SLC26A5: variants seen among roughly 807,000 people sequenced by gnomAD.
SLC26A5 encodes the protein prestin.
Under a neutral mutation model 81.0 loss-of-function variants are expected in SLC26A5, and 51 were observed. That is an observed-to-expected ratio of 0.63 (90% CI 0.50 to 0.80). The LOEUF is 0.80. Ranked by LOEUF, SLC26A5 falls within the 30% of genes least tolerant of loss-of-function variation. The pLI, the probability that SLC26A5 is intolerant of heterozygous loss-of-function variation, is 0.00. For synonymous variants in SLC26A5, 325 were observed against 332.8 expected, an observed-to-expected ratio of 0.98 and a Z score of 0.25; for missense variants, 771 against 905.8, an observed-to-expected ratio of 0.85 and a Z score of 1.91.
intron 4 of SLC26A5, among the ~76,000 whole-genome samples, chr7:103,414,524 A>AC (rs1824762047): frequency 6.6e-6 from 1 of 152,082 alleles, no homozygotes; most frequent in South Asian, 2.1e-4. Context: ...ATACAGTATT[A>AC]AGCTACACCA....
intron 19 of SLC26A5, among the ~76,000 whole-genome samples, chr7:103,360,496 T>TG (rs971016291): frequency 3.9e-5 from 6 of 152,102 alleles, no homozygotes; most frequent in Admixed American, 2.0e-4. Flanking sequence ...TGGGCTCAAG[T>TG]GATCCTCCAG....
chr7:103,353,842 A>G, intron 19 of SLC26A5: 1 of 1,247,230 alleles, frequency 8.0e-7, no homozygotes, highest in Non-Finnish European at 1.1e-6. Context: ...ATCGAACAGA[A>G]AAAAAGCTCT....
chr7:103,368,253 G>C (rs1372902710), intron 19 of SLC26A5: 1 of 556,136 alleles, frequency 1.8e-6, no homozygotes, highest in Non-Finnish European at 3.0e-6. Context: ...CTATTTTTTT[G>C]ACCCACACCC....
At chr7:103,430,410 T>C (rs2116795040) in intron 2 of SLC26A5, among the ~76,000 whole-genome samples, 1 of 152,338 alleles carries the variant, frequency 6.6e-6, no homozygotes, top group South Asian at 2.1e-4. Context: ...CATGTTTTTT[T>C]GCAAGATATA....
chr7:103,359,138 CTTTTTT>C (rs35936603), intron 19 of SLC26A5, among the ~76,000 whole-genome samples: 7 of 31,332 alleles, frequency 2.2e-4, no homozygotes, highest in South Asian at 3.7e-3. Flanking sequence ...CCATGTCTGG[CTTTTTT>C]TTTTTTTTTT....
chr7:103,379,275 T>C lies in SLC26A5; in HGVS notation c.1645A>G (p.Ser549Gly). ...QINAPIYYAN[S>G]DLYSNALKRK... The stretch of plus-strand genomic sequence containing the variant: ...TTTAATGCATTGCTATACAAGTCGC[T>C]ATTTGCATAGTAAATTGGTGCATTT... The change falls in exon 16 of 20, where the codon AGC (serine) becomes GGC (glycine). Residue 549 changes from serine to glycine, a missense_variant. Physicochemically the swap from Ser to Gly is moderately conservative, Grantham distance 56. Transcript: ENST00000306312. 6.2e-7 allele frequency: 1 copy of C among 1,611,854 alleles called. No homozygotes were observed.
chr7:103,418,515 G>A (rs1204168447), intron 4 of SLC26A5, among the ~76,000 whole-genome samples: 1 of 152,048 alleles, frequency 6.6e-6, no homozygotes, highest in African/African-American at 2.4e-5. Flanking sequence ...CCTTGCCCCT[G>A]CCTTTGAATC....
chr7:103,412,881 A>T, intron 5 of SLC26A5, 121 bp downstream of exon 5: 1 of 751,494 alleles, frequency 1.3e-6, no homozygotes, highest in Non-Finnish European at 2.3e-6. Flanking sequence ...CCTATTGTGT[A>T]TGCAGTAACA....
At position 103,411,594 on chromosome 7, in the gene SLC26A5, A is replaced by G. The variant is rs962748859; in HGVS notation, c.404-8T>C. 5 of 1,614,012 alleles carry G rather than the reference A, an allele frequency of 3.1e-6. No individual in the cohort carries two copies. In the African/African-American group the frequency reaches 6.7e-5, roughly 22 times the overall value. ...TAATAACAGCAAAAGGACCTGAAAT[A>G]ATGAAGCATGAAGATCCCTGTTCAG... On this transcript the variant is annotated splice_region_variant and splice_polypyrimidine_tract_variant and intron_variant, in intron 5 of 19. Coordinates refer to ENST00000306312, the MANE Select transcript of SLC26A5 (RefSeq NM_198999.3).
intron 4 of SLC26A5, among the ~76,000 whole-genome samples, chr7:103,415,067 T>G (rs905629293): frequency 6.6e-6 from 1 of 152,180 alleles, no homozygotes; most frequent in African/African-American, 2.4e-5. Flanking sequence ...CCCTTTTTAT[T>G]CTCAGCTTTG....
chr7:103,391,724 G>A lies in SLC26A5; in HGVS notation c.1131C>T (p.Ala377=), dbSNP rs1342616091. The stretch of plus-strand genomic sequence containing the variant: ...AGCCAATGGAATTGCACAGTCCCAG[G>A]GCAATGAGCTCCTTTCCCATGTAGA... ...YQVDGNQELI[A]LGLCNSIGSL... is the part of the protein sequence containing the mutation. The change falls in exon 11 of 20, where the codon GCC becomes GCT. Residue 377 remains alanine (A), a synonymous_variant. Coordinates refer to ENST00000306312, the MANE Select transcript of SLC26A5 (RefSeq NM_198999.3). The A allele has an allele frequency of 3.1e-6, 5 of 1,613,536 alleles. No individual in the cohort carries two copies. The East Asian group carries it at 1.1e-4, about 36-fold the overall frequency.
intron 19 of SLC26A5, among the ~76,000 whole-genome samples, chr7:103,361,638 C>T (rs927849969): frequency 6.6e-6 from 1 of 150,436 alleles, no homozygotes; most frequent in Non-Finnish European, 1.5e-5. Context: ...AAAATAAAAA[C>T]GAGAGCAACT....
intron 2 of SLC26A5, among the ~76,000 whole-genome samples, chr7:103,440,117 C>T (rs895998028): frequency 2.0e-5 from 3 of 152,144 alleles, no homozygotes; most frequent in Non-Finnish European, 1.5e-5. Context: ...CTCTCTTCCC[C>T]TCTTCATAAG....
At chr7:103,444,712 T>TG (rs1457351752) in intron 1 of SLC26A5, among the ~76,000 whole-genome samples, 9 of 152,184 alleles carry the variant, frequency 5.9e-5, no homozygotes, top group African/African-American at 2.2e-4. Flanking sequence ...ATAAGAGAAT[T>TG]GGGGCTTCAG....
intron 2 of SLC26A5, among the ~76,000 whole-genome samples, chr7:103,441,853 C>G (rs548776314): frequency 6.6e-6 from 1 of 152,304 alleles, no homozygotes; most frequent in East Asian, 1.9e-4. Flanking sequence ...GCAGCTCCCC[C>G]CGAATAACCT....
chr7:103,429,551 T>G (rs1825921354), intron 2 of SLC26A5, among the ~76,000 whole-genome samples: 1 of 152,250 alleles, frequency 6.6e-6, no homozygotes, highest in Non-Finnish European at 1.5e-5. Flanking sequence ...CAGCCTTTCC[T>G]AAAAGGAATT....
chr7:103,406,626 G>C (rs908231462), intron 8 of SLC26A5, among the ~76,000 whole-genome samples: 3 of 151,878 alleles, frequency 2.0e-5, no homozygotes, highest in Admixed American at 2.0e-4. Context: ...GTTCCTATTC[G>C]GCCATCTTGC....
chr7:103,429,626 A>G (rs1365980657), intron 2 of SLC26A5, among the ~76,000 whole-genome samples: 1 of 152,216 alleles, frequency 6.6e-6, no homozygotes, highest in South Asian at 2.1e-4. Context: ...TATATTATCT[A>G]TCTGTTTTCC....
At chr7:103,355,897 CA>C in intron 19 of SLC26A5, 1 of 771,998 alleles carries the variant, frequency 1.3e-6, no homozygotes, top group Non-Finnish European at 1.9e-6. Flanking sequence ...ATTTTGATTC[CA>C]AATTCCAAGT....
Sources: allele counts gnomAD v4.1 joint callset (sites outside exome capture counted in the v4.1 genomes callset), GRCh38; gene constraint gnomAD v4.1.1; transcripts MANE v1.5; gene names NCBI Gene and HGNC (gene_info 2026-07-23, HGNC 2026-07-21).